The following FAM204A variants were observed in gnomAD, a reference collection of about 807,000 sequenced individuals.
The protein encoded by FAM204A is protein FAM204A.
Under a neutral mutation model 35.4 loss-of-function variants are expected in FAM204A, and 16 were observed. That is an observed-to-expected ratio of 0.45 (90% CI 0.31 to 0.69). FAM204A has a LOEUF of 0.69. Ranked by LOEUF, FAM204A falls within the 30% of genes least tolerant of loss-of-function variation. The pLI is 0.07. For synonymous variants in FAM204A, 76 were observed against 86.9 expected, an observed-to-expected ratio of 0.88 and a Z score of 0.70; for missense variants, 240 against 265.7, an observed-to-expected ratio of 0.90 and a Z score of 0.67.
At chr10:118,332,281 C>A (rs1269319927) in intron 6 of FAM204A, among the ~76,000 whole-genome samples, 1 of 151,582 alleles carries the variant, frequency 6.6e-6, no homozygotes, top group Non-Finnish European at 1.5e-5. Flanking sequence ...TCACTTCTCA[C>A]CTGGTTTGTT....
chr10:118,328,603 C>T lies in FAM204A; in HGVS notation c.454-2360G>A, dbSNP rs1021901816. ...CACCTCCTGGGTTCAAGCGATTCCC[C>T]TGCCTCAGCCTCCCAAGTAGCTGGG... On this transcript the variant is annotated intron_variant, in intron 6 of 8. Coordinates refer to ENST00000369183, the MANE Select transcript of FAM204A (RefSeq NM_022063.3). Among the ~76,000 whole-genome samples the T allele has an allele frequency of 5.9e-5, 9 of 152,022 alleles. No homozygotes were observed. In the East Asian group the frequency reaches 9.6e-4, roughly 16 times the overall value.
chr10:118,323,224 T>C (rs747100553), intron 7 of FAM204A, among the ~76,000 whole-genome samples: 6 of 152,004 alleles, frequency 3.9e-5, no homozygotes, highest in Non-Finnish European at 7.4e-5. Flanking sequence ...AGAGAAAAAA[T>C]CCATACCATT....
chr10:118,314,070 T>G (rs1845993739), intron 7 of FAM204A, among the ~76,000 whole-genome samples: 1 of 152,220 alleles, frequency 6.6e-6, no homozygotes, highest in Admixed American at 6.5e-5. Flanking sequence ...AGTAAATACT[T>G]AACAGCATAT....
At position 118,326,220 on chromosome 10, in the gene FAM204A, G is replaced by T. The variant is rs375193510; in HGVS notation, c.477C>A (p.Asp159Glu). Residue 159 changes from aspartate (D) to glutamate (E), a missense_variant, in exon 7 of 9, where the codon GAC becomes GAA. Coordinates refer to ENST00000369183, the MANE Select transcript of FAM204A (RefSeq NM_022063.3). Reference protein sequence around the residue: ...VEKSGLEKRIDQAVEEWNIEK... With the variant: ...VEKSGLEKRIEQAVEEWNIEK... ...CAATATTCCACTCCTCCACAGCCTGGTCTATCCTCTTTTCAAGGCCTGACT... is the reference window on the plus strand; with the variant it reads ...CAATATTCCACTCCTCCACAGCCTGTTCTATCCTCTTTTCAAGGCCTGACT... 1 of 1,613,376 alleles carries T rather than the reference G, an allele frequency of 6.2e-7. No individual in the cohort carries two copies.
chr10:118,320,278 CTTTA>C (rs5788293), intron 7 of FAM204A, among the ~76,000 whole-genome samples: 25,099 of 150,248 alleles, frequency 0.17, 2,281 homozygotes, highest in Middle Eastern at 0.3. Flanking sequence ...AAAATAAAAA[CTTTA>C]TTTATTAAAT....
At chr10:118,334,441 A>G (rs988370163) in intron 6 of FAM204A, among the ~76,000 whole-genome samples, 1 of 152,132 alleles carries the variant, frequency 6.6e-6, no homozygotes, top group African/African-American at 2.4e-5. Flanking sequence ...CAGCAGAACC[A>G]TTCTGGTTCA....
intron 7 of FAM204A, among the ~76,000 whole-genome samples, chr10:118,323,923 G>A (rs997172701): frequency 3.3e-5 from 5 of 152,118 alleles, no homozygotes; most frequent in East Asian, 3.9e-4. Flanking sequence ...AAGATATTAC[G>A]TTTGTTGAAT....
chr10:118,310,945 TAAA>T, intron 8 of FAM204A, 37 bp from the exon 9 acceptor site: 1 of 1,168,810 alleles, frequency 8.6e-7, no homozygotes, highest in East Asian at 3.0e-5. Flanking sequence ...ATTTATTTCT[TAAA>T]AAAAAAAATA....
intron 7 of FAM204A, among the ~76,000 whole-genome samples, chr10:118,315,441 C>T (rs571453870): frequency 4.1e-4 from 63 of 152,204 alleles, no homozygotes; most frequent in Middle Eastern, 3.4e-3. Context: ...AAGTTTTCCT[C>T]CCTTTTGAAC....
intron 8 of FAM204A, 87 bp downstream of exon 8, chr10:118,311,120 G>A (rs1845944951): frequency 1.1e-5 from 14 of 1,265,272 alleles, no homozygotes; most frequent in Admixed American, 2.1e-5. Flanking sequence ...TGAGTTAACA[G>A]TTATACACGA....
intron 6 of FAM204A, among the ~76,000 whole-genome samples, chr10:118,327,730 T>C (rs1037909182): frequency 1.3e-5 from 2 of 152,190 alleles, no homozygotes; most frequent in African/African-American, 4.8e-5. Flanking sequence ...TGCCAATCCA[T>C]GAACTGTTTA....
In FAM204A at chr10:118,310,578, C is replaced by A. The variant is rs1845937190; in HGVS notation, c.*279G>T. 5.6e-6 allele frequency: 2 copies of A among 357,272 alleles called. No homozygotes were observed. The highest frequency in any genetic ancestry group is 5.0e-6 in the Non-Finnish European group (1 of 201,638). The allele number at this position is 357,272 out of a possible 1,614,324, so 22.1% of individuals were successfully genotyped here. ...GAAAGCGCCAAAAGTGATTTTATAC[C>A]AAGGGTCCATCCATACAAATAAACA... On this transcript the variant is annotated 3_prime_UTR_variant, in exon 9 of 9. Transcript: ENST00000369183.
intron 7 of FAM204A, among the ~76,000 whole-genome samples, chr10:118,323,153 G>A (rs1035888331): frequency 2.6e-5 from 4 of 152,054 alleles, no homozygotes; most frequent in African/African-American, 4.8e-5. Flanking sequence ...AGGAAGACTG[G>A]ACAAGCAACA....
At chr10:118,327,004 T>C (rs867634240) in intron 6 of FAM204A, among the ~76,000 whole-genome samples, 50 of 152,234 alleles carry the variant, frequency 3.3e-4, no homozygotes, top group African/African-American at 1.2e-3. Flanking sequence ...TACACATTTA[T>C]AAAAAGATGC....
In FAM204A at chr10:118,309,111, G is replaced by A. The variant is rs534745849; in HGVS notation, c.*1746C>T. ...TTAGCAGTTTGAAATGAATATTGTA[G>A]GTAAGTTTTACATGATCATATCTGT... On this transcript the variant is annotated 3_prime_UTR_variant, in exon 9 of 9. Transcript: ENST00000369183. The A allele has an allele frequency of 6.6e-6, 1 of 152,142 alleles. No individual in the cohort carries two copies. Among genetic ancestry groups the A allele is most frequent in the South Asian group, 2.1e-4 (1 of 4,816 alleles). 9.4% of individuals were successfully genotyped at this position (152,142 alleles called of 1,614,324 possible).
Position 118,300,084 on chromosome 10 carries a change from C to T in FAM204A, c.*10773G>A, listed in dbSNP as rs536603650. On this transcript the variant is annotated 3_prime_UTR_variant, in exon 9 of 9. Coordinates refer to ENST00000369183, the MANE Select transcript of FAM204A (RefSeq NM_022063.3). ...GAGTGGGATGTGATTTCTTGGCCAT[C>T]TTAATGGGCTGGACACCCTAGAATG... is the stretch of plus-strand genomic sequence containing the variant. The T allele has an allele frequency of 1.3e-5, 2 of 152,270 alleles. No homozygotes were observed. Among genetic ancestry groups the T allele is most frequent in the South Asian group, 4.1e-4 (2 of 4,820 alleles). 9.4% of individuals were successfully genotyped at this position (152,270 alleles called of 1,614,324 possible).
chr10:118,315,552 TTTAA>T (rs1260527800), intron 7 of FAM204A, among the ~76,000 whole-genome samples: 13 of 152,184 alleles, frequency 8.5e-5, no homozygotes, highest in Admixed American at 7.2e-4. Flanking sequence ...TCTTTTGTTC[TTTAA>T]TTAAATGAAA....
intron 7 of FAM204A, among the ~76,000 whole-genome samples, chr10:118,322,660 A>G (rs1405680491): frequency 6.6e-6 from 1 of 152,150 alleles, no homozygotes; most frequent in Non-Finnish European, 1.5e-5. Context: ...GTAAATTTAA[A>G]TAAAGTATGT....
intron 7 of FAM204A, among the ~76,000 whole-genome samples, chr10:118,313,254 T>C (rs1845981042): frequency 6.6e-6 from 1 of 152,182 alleles, no homozygotes; most frequent in Non-Finnish European, 1.5e-5. Context: ...TTCTATTTCT[T>C]GTCTCATTTT....
Sources: allele counts gnomAD v4.1 joint callset (sites outside exome capture counted in the v4.1 genomes callset), GRCh38; gene constraint gnomAD v4.1.1; transcripts MANE v1.5; gene names NCBI Gene and HGNC (gene_info 2026-07-23, HGNC 2026-07-21).